IMMP2L: variants seen among roughly 807,000 people sequenced by gnomAD.
IMMP2L encodes mitochondrial inner membrane protease subunit 2.
In IMMP2L, 18 loss-of-function variants were observed where a neutral mutation model predicts 19.3. The ratio of observed to expected loss-of-function variants is 0.93; its 90% CI spans 0.64 to 1.38. IMMP2L has a LOEUF of 1.38. Ranked by LOEUF, IMMP2L falls within the 40% of genes most tolerant of loss-of-function variation. The pLI is 0.00. For synonymous variants in IMMP2L, 76 were observed against 73.0 expected (o/e 1.04, Z -0.21); for missense variants, 233 against 218.2 (o/e 1.07, Z -0.43).
chr7:111,495,099 G>A (rs570286953), intron 2 of IMMP2L, among the ~76,000 whole-genome samples: 4 of 151,778 alleles, frequency 2.6e-5, no homozygotes, highest in Non-Finnish European at 4.4e-5. Context: ...TTTTACACCC[G>A]TTATGTTTTA....
chr7:110,869,183 T>C (rs557694870), intron 5 of IMMP2L, among the ~76,000 whole-genome samples: 1 of 152,184 alleles, frequency 6.6e-6, no homozygotes, highest in South Asian at 2.1e-4. Context: ...TGAAACTTTC[T>C]AATAAAATAA....
At position 111,385,175 on chromosome 7, in the gene IMMP2L, G is replaced by C. The variant is rs560242421; in HGVS notation, c.239+102063C>G. ...GGCAAGGTGGAGGTGGGGGGGCAAG[G>C]GTACAGTTTTGAATAAGATAGCCAA... On this transcript the variant is annotated intron_variant, in intron 3 of 5. Coordinates refer to ENST00000405709, the MANE Select transcript of IMMP2L (RefSeq NM_032549.4). Among the ~76,000 whole-genome samples, 7 of 152,140 alleles carry C rather than the reference G, an allele frequency of 4.6e-5. No homozygotes were observed. In the South Asian group the frequency reaches 1.5e-3, roughly 32 times the overall value.
At chr7:110,950,858 A>ATGTATATATATATATATATATATATG (rs1554470739) in intron 4 of IMMP2L, among the ~76,000 whole-genome samples, 3 of 136,296 alleles carry the variant, frequency 2.2e-5, no homozygotes, top group African/African-American at 8.7e-5. Flanking sequence ...ATATATATAT[A>ATGTATATATATATATATATATATATG]TATATATATA....
At chr7:110,808,660 TG>T (rs1288365659) in intron 5 of IMMP2L, among the ~76,000 whole-genome samples, 2 of 152,012 alleles carry the variant, frequency 1.3e-5, no homozygotes, top group Admixed American at 1.3e-4. Flanking sequence ...AAACAGAAAC[TG>T]GAAAAAGTTT....
chr7:111,043,995 A>T (rs948913376), intron 3 of IMMP2L, among the ~76,000 whole-genome samples: 6 of 152,182 alleles, frequency 3.9e-5, no homozygotes, highest in Admixed American at 3.9e-4. Flanking sequence ...TAATAAAAAC[A>T]CTGAGGCATT....
At chr7:111,499,240 G>C (rs11972119) in intron 2 of IMMP2L, among the ~76,000 whole-genome samples, 3,034 of 152,212 alleles carry the variant, frequency 0.02, 103 homozygotes, top group African/African-American at 0.069. Context: ...GCCAAGTCAA[G>C]AATCAGCATA....
At chr7:110,700,100 C>T (rs530245670) in intron 5 of IMMP2L, among the ~76,000 whole-genome samples, 3 of 152,132 alleles carry the variant, frequency 2.0e-5, no homozygotes, top group Admixed American at 6.5e-5. Flanking sequence ...TTGTGAGACA[C>T]GGAGCAGAGG....
intron 3 of IMMP2L, among the ~76,000 whole-genome samples, chr7:111,138,092 A>C (rs972749946): frequency 2.0e-5 from 3 of 152,170 alleles, no homozygotes; most frequent in Non-Finnish European, 2.9e-5. Context: ...AGGCCTCCCA[A>C]AAGGCTGGGA....
intron 4 of IMMP2L, among the ~76,000 whole-genome samples, chr7:110,960,343 C>G (rs1055331268): frequency 6.6e-6 from 1 of 151,868 alleles, no homozygotes; most frequent in Non-Finnish European, 1.5e-5. Context: ...AAACCTTATA[C>G]TCATTAGCAG....
In IMMP2L at chr7:110,903,526, G is replaced by C. The variant is rs115226708; in HGVS notation, c.306-16831C>G. On this transcript the variant is annotated intron_variant, in intron 4 of 5. Coordinates refer to ENST00000405709, the MANE Select transcript of IMMP2L (RefSeq NM_032549.4). Reference sequence around the variant, plus strand: ...ATGTAATATTGGTTCGTCTTTGTGTGACTAGCTTATTTCACTTAGCATAAT... The same window carrying C: ...ATGTAATATTGGTTCGTCTTTGTGTCACTAGCTTATTTCACTTAGCATAAT... 8.3e-3 allele frequency among the ~76,000 whole-genome samples: 1,257 copies of C among 152,274 alleles called. 16 individuals carry two copies. Among genetic ancestry groups the C allele is most frequent in the African/African-American group, 0.028 (1,183 of 41,546 alleles).
intron 5 of IMMP2L, among the ~76,000 whole-genome samples, chr7:110,849,523 C>T (rs549404681): frequency 1.4e-4 from 22 of 152,048 alleles, no homozygotes; most frequent in Non-Finnish European, 2.5e-4. Flanking sequence ...AATTCACAGA[C>T]GAAATACACA....
At chr7:110,827,587 T>C (rs1295744931) in intron 5 of IMMP2L, among the ~76,000 whole-genome samples, 1 of 152,100 alleles carries the variant, frequency 6.6e-6, no homozygotes, top group African/African-American at 2.4e-5. Flanking sequence ...GTGTGACAAA[T>C]ACTGTAACAG....
At position 111,265,965 on chromosome 7, in the gene IMMP2L, T is replaced by C. The variant is rs137930201; in HGVS notation, c.239+221273A>G. ...AGTGAGGCCTTCCCTAACCAATCTA[T>C]CCTAAAATCACAGCAGCCTGCTCTC... On this transcript the variant is annotated intron_variant, in intron 3 of 5. Coordinates refer to ENST00000405709, the MANE Select transcript of IMMP2L (RefSeq NM_032549.4). 4.2e-3 allele frequency among the ~76,000 whole-genome samples: 638 copies of C among 152,258 alleles called. 5 individuals are homozygous for C. Among genetic ancestry groups the C allele is most frequent in the African/African-American group, 0.015 (611 of 41,560 alleles).
intron 3 of IMMP2L, among the ~76,000 whole-genome samples, chr7:111,368,113 T>C (rs1829949781): frequency 6.6e-6 from 1 of 151,848 alleles, no homozygotes; most frequent in Non-Finnish European, 1.5e-5. Context: ...TGAATATGCT[T>C]ATATGGAAAA....
intron 3 of IMMP2L, among the ~76,000 whole-genome samples, chr7:111,191,165 T>C (rs1808825098): frequency 6.6e-6 from 1 of 152,128 alleles, no homozygotes; most frequent in East Asian, 1.9e-4. Flanking sequence ...ATGACCTTTA[T>C]TAATATCATT....
At chr7:111,192,967 A>G (rs573587601) in intron 3 of IMMP2L, among the ~76,000 whole-genome samples, 3 of 151,690 alleles carry the variant, frequency 2.0e-5, no homozygotes, top group Admixed American at 6.6e-5. Flanking sequence ...GAGTTGGGCA[A>G]TTGGGAAGTC....
intron 3 of IMMP2L, among the ~76,000 whole-genome samples, chr7:111,016,856 T>TAC (rs1825714698): frequency 1.1e-5 from 1 of 87,642 alleles, no homozygotes; most frequent in Non-Finnish European, 2.0e-5. Flanking sequence ...TAATATATAT[T>TAC]ATATAATATA....
intron 4 of IMMP2L, among the ~76,000 whole-genome samples, chr7:110,893,552 T>C (rs890069572): frequency 1.1e-4 from 17 of 152,322 alleles, no homozygotes; most frequent in African/African-American, 3.8e-4. Context: ...TAGATGTTTC[T>C]AATTTTTGAC....
intron 3 of IMMP2L, among the ~76,000 whole-genome samples, chr7:111,111,829 G>C (rs1799241538): frequency 6.6e-6 from 1 of 150,478 alleles, no homozygotes; most frequent in Non-Finnish European, 1.5e-5. Context: ...GACAAAAGGA[G>C]ACCTTGTCTC....
Sources: allele counts gnomAD v4.1 joint callset (sites outside exome capture counted in the v4.1 genomes callset), GRCh38; gene constraint gnomAD v4.1.1; transcripts MANE v1.5; gene names NCBI Gene and HGNC (gene_info 2026-07-23, HGNC 2026-07-21).